SPEG: variants seen among roughly 807,000 people sequenced by gnomAD.
The protein encoded by SPEG is striated muscle enriched protein kinase, also known as striated muscle preferentially expressed protein kinase.
In SPEG, 114 loss-of-function variants were observed where a neutral mutation model predicts 300.4. The ratio of observed to expected loss-of-function variants is 0.38; its 90% CI spans 0.33 to 0.44. SPEG has a LOEUF of 0.44. SPEG is among the 20% of genes least tolerant of loss of function. The pLI is 1.00. For missense variants in SPEG, 4,201 were observed against 4,586.2 expected, an observed-to-expected ratio of 0.92 and a Z score of 2.43; for synonymous variants, 1,964 against 2,018.9, an observed-to-expected ratio of 0.97 and a Z score of 0.73.
intron 9 of SPEG, chr2:219,466,662 G>A (rs900323790): frequency 2.0e-6 from 2 of 1,000,976 alleles, no homozygotes; most frequent in African/African-American, 3.5e-5. Context: ...CTGATGAACA[G>A]CCTGGCTGAG....
chr2:219,464,506 C>T lies in SPEG; in HGVS notation c.2779C>T (p.Leu927=). The T allele has an allele frequency of 6.2e-7, 1 of 1,614,156 alleles. No individual in the cohort carries two copies. The highest frequency in any genetic ancestry group is 8.5e-7 in the Non-Finnish European group (1 of 1,180,032). ...AEEAEGGLCR[L]RILAAERGDA... is the part of the protein sequence containing the mutation. ...GGAGGCTGAGGGTGGGCTGTGCCGG[C>T]TGCGGATCCTGGCTGCAGAGCGTGG... The change falls in exon 9 of 41, where the codon CTG becomes TTG. Residue 927 remains leucine (L), a synonymous_variant. Transcript: ENST00000312358. This position sits in a 1 kb window ranked among gnomAD's most constrained non-coding sequence, Gnocchi z 4.5.
rs1363983659 is a variant in SPEG, at chr2:219,471,614, G to A, written c.3716-254G>A. The A allele has an allele frequency of 7.6e-6, 4 of 526,854 alleles. No individual in the cohort carries two copies. The African/African-American group carries it at 7.7e-5, about 10-fold the overall frequency. 32.6% of individuals were successfully genotyped at this position (526,854 alleles called of 1,614,324 possible). A position where few individuals can be genotyped will look rare whatever the true frequency, so the allele number is the denominator to read the frequency against. ...GGAAGAGAAGATGATAAGTTGCCTG[G>A]CCTGACACACTGGAGGGACAGACCA... is the stretch of plus-strand genomic sequence containing the variant. On this transcript the variant is annotated intron_variant, in intron 13 of 40. Coordinates refer to ENST00000312358, the MANE Select transcript of SPEG (RefSeq NM_005876.5).
At chr2:219,474,143 C>T (rs1440822240) in intron 18 of SPEG, 12 of 415,982 alleles carry the variant, frequency 2.9e-5, no homozygotes, top group Admixed American at 7.7e-5. Context: ...TTTGGGAGGC[C>T]GACACAGGTG....
intron 4 of SPEG, among the ~76,000 whole-genome samples, chr2:219,449,642 A>G (rs1015484996): frequency 6.6e-6 from 1 of 151,634 alleles, no homozygotes; most frequent in African/African-American, 2.4e-5. Context: ...GAACCTAAGG[A>G]CCCCCCTCCA....
rs1177867986 is a variant in SPEG at position 219,439,877 on chromosome 2, TC to T, written c.388+4516del. Among the ~76,000 whole-genome samples the T allele has an allele frequency of 2.6e-5, 4 of 152,146 alleles. No homozygotes were observed. The highest frequency in any genetic ancestry group is 2.9e-5 in the Non-Finnish European group (2 of 68,012). On this transcript the variant is annotated intron_variant, in intron 1 of 40. Transcript: ENST00000312358. This position sits in a 1 kb window ranked among gnomAD's most constrained non-coding sequence, Gnocchi z 4.5. The stretch of plus-strand genomic sequence containing the variant: ...AAGTTACCCCCTCTCATCACTCAGC[TC>T]CCCATCTGTGAGTGGGTGTGTTTAG...
chr2:219,483,257 C>G lies in SPEG; in HGVS notation c.5794C>G (p.Leu1932Val). The G allele has an allele frequency of 1.9e-6, 3 of 1,610,264 alleles. No homozygotes were observed. The highest frequency in any genetic ancestry group is 1.1e-5 in the South Asian group (1 of 90,534). Reference protein sequence around the residue: ...SDSEEEELEELPSVPRPLQPE... With the variant: ...SDSEEEELEEVPSVPRPLQPE... ...TTCTGAAGAGGAAGAGCTGGAAGAG[C>G]TGCCCTCAGTGCCCCGCCCACTGCA... is the stretch of plus-strand genomic sequence containing the variant. Residue 1932 changes from leucine to valine, a missense_variant, in exon 30 of 41, where the codon CTG becomes GTG. Around this residue, in one of 4 missense-constraint regions of SPEG, gnomAD observed 1,578 missense variants for 1,506.0 expected, o/e 1.05. Transcript: ENST00000312358.
At chr2:219,466,271 A>C in intron 9 of SPEG, 1 of 1,428,018 alleles carries the variant, frequency 7.0e-7, no homozygotes, top group Non-Finnish European at 9.1e-7. Context: ...CCCCAAGTGG[A>C]CACATGGCTG....
At chr2:219,447,817 C>T (rs1453367415) in intron 3 of SPEG, among the ~76,000 whole-genome samples, 157 bp from the exon 4 acceptor site, 1 of 150,592 alleles carries the variant, frequency 6.6e-6, no homozygotes, top group African/African-American at 2.4e-5. Flanking sequence ...TCTGGCTGTG[C>T]GCTCCTCGTG....
intron 1 of SPEG, among the ~76,000 whole-genome samples, chr2:219,440,672 G>A (rs1460651920): frequency 2.0e-5 from 3 of 151,846 alleles, no homozygotes; most frequent in Non-Finnish European, 2.9e-5. Context: ...CTACAACCTC[G>A]CCTCCTGGGC....
intron 38 of SPEG, 27 bp from the exon 39 acceptor site, chr2:219,491,767 G>C (rs1363993601): frequency 1.9e-6 from 3 of 1,607,014 alleles, no homozygotes; most frequent in Non-Finnish European, 2.6e-6. Flanking sequence ...AGGAAGCTGG[G>C]TCAGCTTGGC....
chr2:219,447,013 G>A (rs1288892728), intron 3 of SPEG, among the ~76,000 whole-genome samples: 14 of 116,790 alleles, frequency 1.2e-4, no homozygotes, highest in East Asian at 5.0e-4. Flanking sequence ...TGTGTGATGT[G>A]CCCCCTCACC....
At chr2:219,482,755 C>T (rs979901714) in intron 28 of SPEG, 29 bp from the exon 29 acceptor site, 2 of 1,609,826 alleles carry the variant, frequency 1.2e-6, no homozygotes, top group African/African-American at 2.7e-5. Context: ...TGACAGCTTT[C>T]CCTCAAGCCC....
In SPEG at chr2:219,472,233, T is replaced by C. The variant is rs1162896969; in HGVS notation, c.3842T>C (p.Val1281Ala). ...TTCGAACTGCGGCTTTCAGATGTGG[T>C]CCCAGGCCCTCCAGATGGCGCCCCG... ...CYAHLYVTDV[V>A]PGPPDGAPQV... Residue 1281 changes from valine to alanine, a missense_variant, in exon 15 of 41, where the codon GTC (valine) becomes GCC (alanine). By Grantham distance (64) the Val-to-Ala change is moderately conservative (BLOSUM62 0). Transcript: ENST00000312358. 6.2e-7 allele frequency: 1 copy of C among 1,613,634 alleles called. No homozygotes were observed. The highest frequency in any genetic ancestry group is 8.5e-7 in the Non-Finnish European group (1 of 1,179,942).
At position 219,468,848 on chromosome 2, in the gene SPEG, C is replaced by T; in HGVS notation, c.3302-11C>T. On this transcript the variant is annotated splice_polypyrimidine_tract_variant and intron_variant, in intron 11 of 40. Coordinates refer to ENST00000312358, the MANE Select transcript of SPEG (RefSeq NM_005876.5). ...GTGCCTGCTCTGCATTCCCACCCCT[C>T]CTTTCTGCAGGCTGCCCCATGGAGG... 1.2e-6 allele frequency: 2 copies of T among 1,610,102 alleles called. No individual in the cohort carries two copies. The highest frequency in any genetic ancestry group is 8.5e-7 in the Non-Finnish European group (1 of 1,177,540).
rs920019886 is a variant in SPEG, at chr2:219,444,200, G to T, written c.389-453G>T. 47 of 531,962 alleles carry T rather than the reference G, an allele frequency of 8.8e-5. 2 individuals carry two copies. The highest frequency in any genetic ancestry group is 7.1e-4 in the South Asian group (46 of 64,744). 33.0% of individuals were successfully genotyped at this position (531,962 alleles called of 1,614,324 possible). A position where few individuals can be genotyped will look rare whatever the true frequency, so the allele number is the denominator to read the frequency against. ...GGACAGGCTGGCCCCGCGGTTGGTC[G>T]AGTGCCCTGGCAGTACGACTCTGAG... is the stretch of plus-strand genomic sequence containing the variant. On this transcript the variant is annotated intron_variant, in intron 1 of 40. Transcript: ENST00000312358. The surrounding 1 kb of genome is among the most constrained non-coding windows in gnomAD (Gnocchi z 7.8).
rs771981584 is a variant in SPEG at position 219,488,321 on chromosome 2, T to C, written c.7858+11T>C. 9.4e-6 allele frequency: 15 copies of C among 1,587,576 alleles called. No homozygotes were observed. Among genetic ancestry groups the C allele is most frequent in the Non-Finnish European group, 1.3e-5 (15 of 1,160,284 alleles). ...TCTCCTGGATGAAAGGTAAGGAGAC[T>C]CTGTCTCCCACAGAGAGGGAGGCCA... is the stretch of plus-strand genomic sequence containing the variant. On this transcript the variant is annotated intron_variant, in intron 32 of 40. Coordinates refer to ENST00000312358, the MANE Select transcript of SPEG (RefSeq NM_005876.5).
In SPEG at chr2:219,444,867, C is replaced by T. The variant is rs748269305; in HGVS notation, c.521C>T (p.Pro174Leu). ...TLVGTSLDTP[P>L]TSVTGTSEEQ... The stretch of plus-strand genomic sequence containing the variant: ...GTGGGCACCTCCCTGGACACACCCC[C>T]GACCTCCGTGACAGGCACCTCAGAG... The change falls in exon 3 of 41, where the codon CCG (proline) becomes CTG (leucine). Residue 174 changes from proline to leucine, a missense_variant. Pro to Leu is a moderately conservative substitution (Grantham distance 98). Around this residue, in one of 4 missense-constraint regions of SPEG, gnomAD observed 1,258 missense variants for 1,293.9 expected, o/e 0.97. Transcript: ENST00000312358. The surrounding 1 kb of genome is among the most constrained non-coding windows in gnomAD (Gnocchi z 7.8). 16 of 1,570,362 alleles carry T rather than the reference C, an allele frequency of 1.0e-5. No individual in the cohort carries two copies. The highest frequency in any genetic ancestry group is 2.2e-5 in the East Asian group (1 of 44,518).
rs945878028 is a variant in SPEG, at chr2:219,481,124, G to T, written c.5370-180G>T. On this transcript the variant is annotated intron_variant, in intron 26 of 40. Coordinates refer to ENST00000312358, the MANE Select transcript of SPEG (RefSeq NM_005876.5). The surrounding 1 kb of genome is among the most constrained non-coding windows in gnomAD (Gnocchi z 5.4). ...GGCAGCACCACCTCCCTGCCCATCAGGGGGGCTGGGGAGGGGACAGGGCAG... is the reference window on the plus strand; with the variant it reads ...GGCAGCACCACCTCCCTGCCCATCATGGGGGCTGGGGAGGGGACAGGGCAG... Among the ~76,000 whole-genome samples, 3 of 151,744 alleles carry T rather than the reference G, an allele frequency of 2.0e-5. No individual in the cohort carries two copies. Among genetic ancestry groups the T allele is most frequent in the South Asian group, 2.1e-4 (1 of 4,832 alleles).
chr2:219,454,715 G>A (rs1690039148), intron 6 of SPEG, among the ~76,000 whole-genome samples: 1 of 152,220 alleles, frequency 6.6e-6, no homozygotes, highest in Admixed American at 6.5e-5. Context: ...CATCTGCCTA[G>A]GGATGTTTTC....
Sources: allele counts gnomAD v4.1 joint callset (sites outside exome capture counted in the v4.1 genomes callset), GRCh38; gene constraint gnomAD v4.1.1; regional missense constraint gnomAD v4.1.1; non-coding constraint Gnocchi (gnomAD v3.1); transcripts MANE v1.5; gene names NCBI Gene and HGNC (gene_info 2026-07-23, HGNC 2026-07-21).